The following ACVR1C variants were observed in gnomAD, a reference collection of about 807,000 sequenced individuals.
ACVR1C encodes the protein activin receptor type-1C.
A neutral mutation model predicts 57.9 loss-of-function variants in ACVR1C; 23 were observed. The observed-to-expected ratio is 0.40, with a 90% confidence interval of 0.29 to 0.56. The LOEUF (loss-of-function observed/expected upper bound fraction) is 0.56. Ranked by LOEUF, ACVR1C falls within the 20% of genes least tolerant of loss-of-function variation. The pLI is 0.50. For synonymous variants in ACVR1C, 214 were observed against 215.3 expected, an observed-to-expected ratio of 0.99 and a Z score of 0.05; for missense variants, 480 against 607.9, an observed-to-expected ratio of 0.79 and a Z score of 2.21.
intron 2 of ACVR1C, among the ~76,000 whole-genome samples, chr2:157,585,452 T>C (rs965184953): frequency 2.6e-5 from 4 of 152,154 alleles, no homozygotes; most frequent in African/African-American, 7.2e-5. Flanking sequence ...GAGCTTACAG[T>C]TGGGCTGGGA....
At position 157,587,203 on chromosome 2, in the gene ACVR1C, T is replaced by A. The variant is rs116298845; in HGVS notation, c.288A>T (p.Thr96=). 6.2e-7 allele frequency: 1 copy of A among 1,612,380 alleles called. No individual in the cohort carries two copies. Among genetic ancestry groups the A allele is most frequent in the Non-Finnish European group, 8.5e-7 (1 of 1,178,468 alleles). ...CCFTDFCNNI[T]LHLPTASPNA... ...ACCCCTTACCTGTTGGAAGGTGCAG[T>A]GTTATGTTGTTGCAAAAATCTGTGA... The change falls in exon 2 of 9, where the codon ACA becomes ACT. Residue 96 remains threonine, a synonymous_variant. Transcript: ENST00000243349.
Position 157,628,569 on chromosome 2 carries a change from T to G in ACVR1C, c.73+3A>C, listed in dbSNP as rs1682957525. 1 of 1,606,900 alleles carries G rather than the reference T, an allele frequency of 6.2e-7. No individual in the cohort carries two copies. Among genetic ancestry groups the G allele is most frequent in the Non-Finnish European group, 8.5e-7 (1 of 1,177,314 alleles). ...GGCGTCGGGAGAGAAACCAGCACCG[T>G]ACCTGGCGAGAGCTCGGCGGCCGCT... On this transcript the variant is annotated splice_donor_region_variant and intron_variant, in intron 1 of 8. Coordinates refer to ENST00000243349, the MANE Select transcript of ACVR1C (RefSeq NM_145259.3).
intron 2 of ACVR1C, among the ~76,000 whole-genome samples, chr2:157,559,831 G>A (rs1264426830): frequency 1.3e-5 from 2 of 151,820 alleles, no homozygotes; most frequent in African/African-American, 4.8e-5. Flanking sequence ...CTGAGAAAAT[G>A]CAAGGGAAGG....
chr2:157,557,520 T>C (rs2105226622), intron 2 of ACVR1C, among the ~76,000 whole-genome samples: 1 of 152,280 alleles, frequency 6.6e-6, no homozygotes, highest in Middle Eastern at 3.4e-3. Context: ...TACTCATTTA[T>C]TGATTACCCA....
At chr2:157,555,668 C>T (rs1688082892) in intron 3 of ACVR1C, among the ~76,000 whole-genome samples, 1 of 152,140 alleles carries the variant, frequency 6.6e-6, no homozygotes, top group Non-Finnish European at 1.5e-5. Context: ...GCTCAAAGAA[C>T]ACTACTTTGT....
chr2:157,595,249 C>T (rs369080260), intron 1 of ACVR1C, among the ~76,000 whole-genome samples: 2 of 152,310 alleles, frequency 1.3e-5, no homozygotes, highest in South Asian at 4.1e-4. Flanking sequence ...TCTTCTCCTT[C>T]CTGCCTTTGG....
chr2:157,575,334 T>C (rs1175513025), intron 2 of ACVR1C, among the ~76,000 whole-genome samples: 2 of 152,210 alleles, frequency 1.3e-5, no homozygotes, highest in Admixed American at 6.5e-5. Context: ...GGTTTCACCA[T>C]GTTGGCCAGG....
Position 157,587,432 on chromosome 2 carries a change from G to A in ACVR1C, c.74-15C>T, listed in dbSNP as rs373765921. The A allele has an allele frequency of 1.3e-4, 207 of 1,562,652 alleles. No individual in the cohort carries two copies. In the African/African-American group the frequency reaches 2.6e-3, roughly 20 times the overall value. ...ACACTTCAGTCCTGGAAAGAGTAAG[G>A]CAAAAAGATTTAAAATACAAAAGAC... is the stretch of plus-strand genomic sequence containing the variant. On this transcript the variant is annotated splice_polypyrimidine_tract_variant and intron_variant, in intron 1 of 8. Transcript: ENST00000243349.
At position 157,555,532 on chromosome 2, in the gene ACVR1C, A is replaced by G. The variant is rs539665075; in HGVS notation, c.544+561T>C. ...CAGGAATGCTGCACTGCTCTCTTTA[A>G]TCTTCTGTTTCTTTGCTTTAAGAAC... On this transcript the variant is annotated intron_variant, in intron 3 of 8. Transcript: ENST00000243349. Among the ~76,000 whole-genome samples, 5 of 152,278 alleles carry G rather than the reference A, an allele frequency of 3.3e-5. No individual in the cohort carries two copies. In the East Asian group the frequency reaches 7.7e-4, roughly 24 times the overall value.
At chr2:157,610,702 A>G (rs1287231885) in intron 1 of ACVR1C, among the ~76,000 whole-genome samples, 2 of 152,118 alleles carry the variant, frequency 1.3e-5, no homozygotes. Context: ...ATTGTGTCCC[A>G]TATATTATGA....
chr2:157,535,084 G>A (rs4664889), intron 8 of ACVR1C, among the ~76,000 whole-genome samples: 127,485 of 149,594 alleles, frequency 0.85, 54,524 homozygotes, highest in East Asian at 0.91. Context: ...GTTCAAGGCT[G>A]CAGTGTGCCA....
intron 1 of ACVR1C, chr2:157,597,372 G>T: frequency 2.0e-6 from 2 of 985,554 alleles, no homozygotes; most frequent in Non-Finnish European, 2.4e-6. Context: ...GGACTTGCAG[G>T]TTGGAGCTCG....
chr2:157,626,242 T>C (rs2105163019), intron 1 of ACVR1C, among the ~76,000 whole-genome samples: 1 of 152,332 alleles, frequency 6.6e-6, no homozygotes, highest in Non-Finnish European at 1.5e-5. Context: ...GTACTGGGAT[T>C]AGAGGCGTGA....
rs184863863 is a variant in ACVR1C at position 157,573,009 on chromosome 2, A to T, written c.304+14178T>A. On this transcript the variant is annotated intron_variant, in intron 2 of 8. Coordinates refer to ENST00000243349, the MANE Select transcript of ACVR1C (RefSeq NM_145259.3). ...TATGTCTCAAATAGAAAACCAGAAG[A>T]AAGTTAAGAAACAACAATGGGTCTT... is the stretch of plus-strand genomic sequence containing the variant. Among the ~76,000 whole-genome samples, 24 of 152,318 alleles carry T rather than the reference A, an allele frequency of 1.6e-4. No homozygotes were observed. The East Asian group carries it at 4.6e-3, about 29-fold the overall frequency.
intron 8 of ACVR1C, among the ~76,000 whole-genome samples, chr2:157,535,902 A>G (rs867625127): frequency 6.6e-6 from 1 of 152,190 alleles, no homozygotes. Context: ...CTGACTCCTC[A>G]TTATCCTCTA....
At chr2:157,613,883 G>C (rs1682588374) in intron 1 of ACVR1C, among the ~76,000 whole-genome samples, 1 of 152,108 alleles carries the variant, frequency 6.6e-6, no homozygotes, top group Non-Finnish European at 1.5e-5. Flanking sequence ...AAAATGAGCT[G>C]AAAGATGTTC....
chr2:157,583,890 T>A (rs1007945275), intron 2 of ACVR1C, among the ~76,000 whole-genome samples: 1 of 152,104 alleles, frequency 6.6e-6, no homozygotes, highest in Non-Finnish European at 1.5e-5. Context: ...TGAAACTAAT[T>A]GTAAAAACTG....
intron 8 of ACVR1C, among the ~76,000 whole-genome samples, chr2:157,536,517 T>C (rs1172553179): frequency 1.3e-5 from 2 of 152,162 alleles, no homozygotes; most frequent in Admixed American, 1.3e-4. Flanking sequence ...TCAAGGTGTT[T>C]AGAGAAAATG....
chr2:157,592,349 A>G (rs1480043721), intron 1 of ACVR1C, among the ~76,000 whole-genome samples: 1 of 152,118 alleles, frequency 6.6e-6, no homozygotes, highest in Non-Finnish European at 1.5e-5. Flanking sequence ...ATGTTTCACA[A>G]GCTATAAAAA....
Sources: gnomAD v4.1 joint callset for allele counts (sites outside exome capture counted in the v4.1 genomes callset) on GRCh38, gnomAD v4.1.1 for gene constraint, MANE v1.5 for transcripts, NCBI Gene and HGNC (gene_info 2026-07-23, HGNC 2026-07-21) for gene names.